PCMTD1: variants seen among roughly 807,000 people sequenced by gnomAD.
The protein encoded by PCMTD1 is protein-L-isoaspartate O-methyltransferase domain-containing protein 1.
In PCMTD1, 12 loss-of-function variants were observed where a neutral mutation model predicts 37.6. The observed-to-expected ratio is 0.32, with a 90% CI of 0.20 to 0.52. PCMTD1 has a LOEUF of 0.52. PCMTD1 is among the 20% of genes least tolerant of loss of function. PCMTD1 has a pLI of 0.97. For synonymous variants in PCMTD1, 117 were observed against 135.8 expected, an observed-to-expected ratio of 0.86 and a Z score of 0.96; for missense variants, 235 against 421.3, an observed-to-expected ratio of 0.56 and a Z score of 3.87.
chr8:51,879,529 T>A (rs577661829), intron 1 of PCMTD1, among the ~76,000 whole-genome samples: 1 of 152,230 alleles, frequency 6.6e-6, no homozygotes, highest in Non-Finnish European at 1.5e-5. Flanking sequence ...AAAACAAAGA[T>A]TAATAGGAAA....
At position 51,820,257 on chromosome 8, in the gene PCMTD1, A is replaced by G; in HGVS notation, c.*94T>C. ...TTTTTTTCCACTATAATTTGCTCTGATGAAAGAAATAATTCTCTCTTTTAA... is the reference window on the plus strand; with the variant it reads ...TTTTTTTCCACTATAATTTGCTCTGGTGAAAGAAATAATTCTCTCTTTTAA... On this transcript the variant is annotated 3_prime_UTR_variant, in exon 6 of 6. Coordinates refer to ENST00000522514, the MANE Select transcript of PCMTD1 (RefSeq NM_052937.4). 8.3e-7 allele frequency: 1 copy of G among 1,209,430 alleles called. No individual in the cohort carries two copies. Among genetic ancestry groups the G allele is most frequent in the African/African-American group, 1.6e-5 (1 of 63,838 alleles). 74.9% of individuals were successfully genotyped at this position (1,209,430 alleles called of 1,614,324 possible). A position where few individuals can be genotyped will look rare whatever the true frequency, so the allele number is the denominator to read the frequency against.
chr8:51,886,574 T>C (rs1314487487), intron 1 of PCMTD1, among the ~76,000 whole-genome samples: 2 of 152,166 alleles, frequency 1.3e-5, no homozygotes, highest in Non-Finnish European at 2.9e-5. Context: ...CCCAAGATTC[T>C]ACAAAAATGG....
chr8:51,861,065 C>T lies in PCMTD1; in HGVS notation c.87G>A (p.Val29=), dbSNP rs1426211365. Residue 29 remains valine, a synonymous_variant, in exon 2 of 6, where the codon GTG becomes GTA. Transcript: ENST00000522514. ...KEAQYIRTER[V]EQAFRAIDRG... is the part of the protein sequence containing the mutation. ...GATCAATCGCTCTGAAGGCTTGCTCCACTCTTTCAGTACGAATATACTGAG... is the reference window on the plus strand; with the variant it reads ...GATCAATCGCTCTGAAGGCTTGCTCTACTCTTTCAGTACGAATATACTGAG... 6.2e-7 allele frequency: 1 copy of T among 1,613,978 alleles called. No homozygotes were observed. The highest frequency in any genetic ancestry group is 1.3e-5 in the African/African-American group (1 of 74,918).
At chr8:51,858,365 GGCTGAGCCATAGTGTTATAGTTTTT>G (rs2038421924) in intron 2 of PCMTD1, among the ~76,000 whole-genome samples, 1 of 152,206 alleles carries the variant, frequency 6.6e-6, no homozygotes, top group Non-Finnish European at 1.5e-5. Flanking sequence ...AAAGAAAAAT[GGCTGAGCCATAGTGTTATAGTTTTT>G]TGTTTTTAAT....
Position 51,818,101 on chromosome 8 carries a change from C to T in PCMTD1, c.*2250G>A, listed in dbSNP as rs911666288. 6 of 361,188 alleles carry T rather than the reference C, an allele frequency of 1.7e-5. No individual in the cohort carries two copies. The highest frequency in any genetic ancestry group is 1.1e-4 in the African/African-American group (5 of 46,722). The allele number at this position is 361,188 out of a possible 1,614,324, so 22.4% of individuals were successfully genotyped here. A position where few individuals can be genotyped will look rare whatever the true frequency, so the allele number is the denominator to read the frequency against. ...AAACATAAATTCATTAAAAAATAAA[C>T]ACAAACCCAAAATATTCTTATTCTA... On this transcript the variant is annotated 3_prime_UTR_variant, in exon 6 of 6. Transcript: ENST00000522514.
intron 1 of PCMTD1, among the ~76,000 whole-genome samples, chr8:51,898,270 A>C (rs1281336883): frequency 6.6e-6 from 1 of 151,848 alleles, no homozygotes; most frequent in African/African-American, 2.4e-5. Flanking sequence ...TTGCAAAATT[A>C]CTCCCTCGGG....
At chr8:51,893,169 G>A (rs1328275524) in intron 1 of PCMTD1, among the ~76,000 whole-genome samples, 2 of 151,914 alleles carry the variant, frequency 1.3e-5, no homozygotes, top group East Asian at 1.9e-4. Context: ...AAAAGAAAAC[G>A]TCTCTTCCCA....
chr8:51,878,677 AG>A (rs2038749720), intron 1 of PCMTD1, among the ~76,000 whole-genome samples: 1 of 152,214 alleles, frequency 6.6e-6, no homozygotes, highest in Admixed American at 6.5e-5. Flanking sequence ...TGAGCCCAAG[AG>A]GTGAAGGCTG....
chr8:51,854,470 A>C (rs554618375), intron 2 of PCMTD1, among the ~76,000 whole-genome samples: 1 of 152,332 alleles, frequency 6.6e-6, no homozygotes, highest in African/African-American at 2.4e-5. Flanking sequence ...TAGGACTAAG[A>C]AATAATAGTT....
intron 1 of PCMTD1, among the ~76,000 whole-genome samples, chr8:51,869,773 T>C (rs2038612317): frequency 6.6e-6 from 1 of 152,140 alleles, no homozygotes; most frequent in African/African-American, 2.4e-5. Flanking sequence ...GAGTTATGTC[T>C]GTTTGAGAAG....
chr8:51,861,214 A>C lies in PCMTD1; in HGVS notation c.-63T>G. 6.7e-7 allele frequency: 1 copy of C among 1,495,424 alleles called. No individual in the cohort carries two copies. The highest frequency in any genetic ancestry group is 8.9e-7 in the Non-Finnish European group (1 of 1,120,974). The allele number at this position is 1,495,424 out of a possible 1,614,324, so 92.6% of individuals were successfully genotyped here. A position where few individuals can be genotyped will look rare whatever the true frequency, so the allele number is the denominator to read the frequency against. ...ATAAAATTAGTAGAAATGGCTTCCA[A>C]TATTGCACTTGATTTCCAAAAATAA... On this transcript the variant is annotated 5_prime_UTR_variant, in exon 2 of 6. Coordinates refer to ENST00000522514, the MANE Select transcript of PCMTD1 (RefSeq NM_052937.4).
At chr8:51,850,073 C>G in intron 2 of PCMTD1, 1 of 702,352 alleles carries the variant, frequency 1.4e-6, no homozygotes. Flanking sequence ...GTTGAGGACT[C>G]TGAGGTCAAA....
chr8:51,842,881 C>A (rs1274350481), intron 3 of PCMTD1, among the ~76,000 whole-genome samples: 1 of 152,080 alleles, frequency 6.6e-6, no homozygotes, highest in Non-Finnish European at 1.5e-5. Context: ...CTCTCCATTA[C>A]ACATAATCAA....
chr8:51,822,208 G>C (rs1489556066), intron 5 of PCMTD1, among the ~76,000 whole-genome samples: 1 of 152,124 alleles, frequency 6.6e-6, no homozygotes, highest in Non-Finnish European at 1.5e-5. Flanking sequence ...ATGAAGTTGG[G>C]AGCACGAGAT....
intron 1 of PCMTD1, among the ~76,000 whole-genome samples, chr8:51,890,126 T>G (rs1471200734): frequency 1.6e-4 from 24 of 152,060 alleles, no homozygotes; most frequent in Admixed American, 1.5e-3. Flanking sequence ...AATGGTTATA[T>G]TCACAGATAT....
Position 51,820,377 on chromosome 8 carries a change from A to C in PCMTD1, c.1048T>G (p.Tyr350Asp). The change falls in exon 6 of 6, where the codon TAC (tyrosine) becomes GAC (aspartate). Residue 350 changes from tyrosine (Y) to aspartate (D), a missense_variant. Transcript: ENST00000522514. The stretch of plus-strand genomic sequence containing the variant: ...TATTTGTCTCTAAAATATGTCAAGT[A>C]AGCTTTTAAAGATTCAGGGAGGGGC... Reference protein sequence around the residue: ...KLPLPESLKAYLTYFRDK With the variant: ...KLPLPESLKADLTYFRDK The C allele has an allele frequency of 6.3e-7, 1 of 1,590,636 alleles. No homozygotes were observed. Among genetic ancestry groups the C allele is most frequent in the Non-Finnish European group, 8.5e-7 (1 of 1,172,758 alleles).
intron 1 of PCMTD1, among the ~76,000 whole-genome samples, chr8:51,871,940 T>A (rs1449849595): frequency 6.6e-6 from 1 of 152,212 alleles, no homozygotes; most frequent in East Asian, 1.9e-4. Context: ...TTTTGATACA[T>A]GGTGAGTTTT....
rs556877701 is a variant in PCMTD1 at position 51,864,020 on chromosome 8, G to A, written c.-95-2774C>T. On this transcript the variant is annotated intron_variant, in intron 1 of 5. Coordinates refer to ENST00000522514, the MANE Select transcript of PCMTD1 (RefSeq NM_052937.4). ...GAAAGGCAAGACCCAACAATATGCCGCCTATGAAAAAGACTCACTTTAGCC... is the reference window on the plus strand; with the variant it reads ...GAAAGGCAAGACCCAACAATATGCCACCTATGAAAAAGACTCACTTTAGCC... Among the ~76,000 whole-genome samples the A allele has an allele frequency of 1.4e-3, 209 of 151,888 alleles. 1 individual carries two copies. Among genetic ancestry groups the A allele is most frequent in the African/African-American group, 4.5e-3 (188 of 41,414 alleles).
intron 2 of PCMTD1, among the ~76,000 whole-genome samples, chr8:51,857,372 A>C (rs1473234891): frequency 6.6e-6 from 1 of 152,232 alleles, no homozygotes; most frequent in African/African-American, 2.4e-5. Flanking sequence ...TATGTTTTAT[A>C]AGATACCTAG....
Sources: allele counts gnomAD v4.1 joint callset (sites outside exome capture counted in the v4.1 genomes callset), GRCh38; gene constraint gnomAD v4.1.1; transcripts MANE v1.5; gene names NCBI Gene and HGNC (gene_info 2026-07-23, HGNC 2026-07-21).